ANKRD30BL: variants seen among roughly 807,000 people sequenced by gnomAD.
ANKRD30BL encodes the protein ankyrin repeat domain 30B like.
A neutral mutation model predicts 18.4 loss-of-function variants in ANKRD30BL; 20 were observed. The observed-to-expected ratio is 1.09, with a 90% CI of 0.77 to 1.58. ANKRD30BL has a LOEUF of 1.58. ANKRD30BL is among the 40% of genes most tolerant of loss of function. The pLI, the probability that ANKRD30BL is intolerant of heterozygous loss-of-function variation, is 0.00. For synonymous variants in ANKRD30BL, 72 were observed against 100.9 expected (o/e 0.71, Z 1.72); for missense variants, 224 against 268.6 (o/e 0.83, Z 1.16).
At chr2:132,164,900 CT>C (rs1183515036), upstream of ANKRD30BL, among the ~76,000 whole-genome samples, 2 of 152,018 alleles carry the variant, frequency 1.3e-5, no homozygotes, top group Non-Finnish European at 1.5e-5. Flanking sequence ...GAAACCCCGT[CT>C]CTACTACAAA....
intron 1 of ANKRD30BL, among the ~76,000 whole-genome samples, chr2:132,160,733 C>T (rs1346869450): frequency 6.6e-6 from 1 of 151,922 alleles, no homozygotes; most frequent in Non-Finnish European, 1.5e-5. Context: ...TGGCCATGGC[C>T]CATTTTGTGC....
chr2:132,253,652 G>C (rs77546515), intron 1 of ANKRD30BL, among the ~76,000 whole-genome samples: 2 of 152,050 alleles, frequency 1.3e-5, no homozygotes, highest in Admixed American at 6.5e-5. Context: ...GGACGGAGTC[G>C]GCAGGGGAGG....
intron 1 of ANKRD30BL, among the ~76,000 whole-genome samples, chr2:132,172,997 C>T (rs1416858310): frequency 3.3e-5 from 5 of 152,146 alleles, no homozygotes; most frequent in South Asian, 2.1e-4. Flanking sequence ...TGAGCCACCA[C>T]ACCTGGTCAA....
At chr2:132,191,583 T>C (rs1227855233) in intron 1 of ANKRD30BL, among the ~76,000 whole-genome samples, 1 of 152,168 alleles carries the variant, frequency 6.6e-6, no homozygotes, top group South Asian at 2.1e-4. Context: ...TGTGCAGTGT[T>C]ATTGCATTTT....
chr2:132,235,278 A>G (rs186917398), intron 1 of ANKRD30BL, among the ~76,000 whole-genome samples: 9 of 152,338 alleles, frequency 5.9e-5, no homozygotes, highest in Admixed American at 5.9e-4. Flanking sequence ...AAACTGGCAC[A>G]AGACAGGGAT....
intron 1 of ANKRD30BL, among the ~76,000 whole-genome samples, chr2:132,222,742 G>C (rs981984121): frequency 7.5e-6 from 1 of 133,866 alleles, no homozygotes; most frequent in African/African-American, 2.7e-5. Context: ...AGAGACCTTT[G>C]TTCACTTGTT....
intron 1 of ANKRD30BL, among the ~76,000 whole-genome samples, chr2:132,224,987 A>G (rs1340383222): frequency 3.9e-5 from 6 of 152,186 alleles, no homozygotes; most frequent in Middle Eastern, 3.4e-3. Context: ...ATCTTCACAT[A>G]AAAACTAGAC....
At chr2:132,213,991 C>T (rs1679423981) in intron 1 of ANKRD30BL, among the ~76,000 whole-genome samples, 2 of 151,456 alleles carry the variant, frequency 1.3e-5, no homozygotes, top group African/African-American at 2.4e-5. Context: ...AATATATTCA[C>T]TTAAAAACTA....
At chr2:132,227,048 C>T (rs1679867810) in intron 1 of ANKRD30BL, among the ~76,000 whole-genome samples, 1 of 152,030 alleles carries the variant, frequency 6.6e-6, no homozygotes, top group Admixed American at 6.6e-5. Flanking sequence ...CATATAAAAA[C>T]TAGGCAGAAG....
chr2:132,190,280 C>T (rs1479376278), intron 1 of ANKRD30BL, among the ~76,000 whole-genome samples: 1 of 152,014 alleles, frequency 6.6e-6, no homozygotes, highest in East Asian at 1.9e-4. Flanking sequence ...TCAAGGATGA[C>T]AAGGTTTCAA....
At chr2:132,229,949 T>C (rs1299639699) in intron 1 of ANKRD30BL, among the ~76,000 whole-genome samples, 2 of 151,792 alleles carry the variant, frequency 1.3e-5, no homozygotes, top group East Asian at 3.9e-4. Flanking sequence ...GCCTTCTTTA[T>C]AAACGTGAAT....
chr2:132,181,302 C>T (rs188317277), intron 1 of ANKRD30BL, among the ~76,000 whole-genome samples: 128 of 151,812 alleles, frequency 8.4e-4, no homozygotes, highest in African/African-American at 2.9e-3. Context: ...GGCGAAACCC[C>T]GTCTCCATTA....
intron 1 of ANKRD30BL, among the ~76,000 whole-genome samples, chr2:132,198,303 TCTTTCTTTCTTTCTTTC>T (rs1558928503): frequency 1.2e-3 from 17 of 13,618 alleles, no homozygotes; most frequent in East Asian, 2.5e-3. Context: ...TTTCTTTCTT[TCTTTCTTTCTTTCTTTC>T]TTTCTTTTTT....
rs529411064 is a variant in ANKRD30BL at position 132,247,227 on chromosome 2, C to T, written n.441+10302G>A. Among the ~76,000 whole-genome samples, 30 of 151,968 alleles carry T rather than the reference C, an allele frequency of 2.0e-4. No individual in the cohort carries two copies. The South Asian group carries it at 5.8e-3, about 29-fold the overall frequency. On this transcript the variant is annotated intron_variant and non_coding_transcript_variant, in intron 1 of 4. Coordinates refer to the ANKRD30BL transcript ENST00000470729. ...ATTCAACTCACAGAGTTGAACATTC[C>T]CTTTCATGGAGCAGTTTTGAAACTC... is the stretch of plus-strand genomic sequence containing the variant.
chr2:132,233,310 G>A (rs1241969791), intron 1 of ANKRD30BL, among the ~76,000 whole-genome samples: 23 of 149,280 alleles, frequency 1.5e-4, no homozygotes, highest in African/African-American at 5.7e-4. Context: ...ACATCATAAT[G>A]ACAGGATCAA....
intron 1 of ANKRD30BL, among the ~76,000 whole-genome samples, chr2:132,228,763 A>G (rs1679916271): frequency 6.9e-6 from 1 of 145,568 alleles, no homozygotes; most frequent in Non-Finnish European, 1.5e-5. Flanking sequence ...GTAGAAAAGG[A>G]AATATCTTCA....
At position 132,235,079 on chromosome 2, in the gene ANKRD30BL, C is replaced by CA. The variant is rs528085626; in HGVS notation, n.441+22449dup. ...TCCAGCATATAAACAGAGCCAAAGA[C>CA]AAAAAACCACATGATTATCTCAATA... On this transcript the variant is annotated intron_variant and non_coding_transcript_variant, in intron 1 of 4. Coordinates refer to the ANKRD30BL transcript ENST00000470729. Among the ~76,000 whole-genome samples the CA allele has an allele frequency of 2.0e-3, 304 of 152,066 alleles. 2 individuals carry two copies. The highest frequency in any genetic ancestry group is 5.2e-3 in the Admixed American group (79 of 15,222).
At chr2:132,210,345 G>C (rs1022510006) in intron 1 of ANKRD30BL, among the ~76,000 whole-genome samples, 12 of 151,660 alleles carry the variant, frequency 7.9e-5, no homozygotes, top group Non-Finnish European at 1.6e-4. Flanking sequence ...GCGCTTTGCG[G>C]CCAATGGTGG....
At chr2:132,200,867 A>C (rs1218416579) in intron 1 of ANKRD30BL, among the ~76,000 whole-genome samples, 1 of 152,214 alleles carries the variant, frequency 6.6e-6, no homozygotes, top group South Asian at 2.1e-4. Flanking sequence ...ACAAAGCTGG[A>C]GGCATCACAC....
Sources: gnomAD v4.1 joint callset for allele counts (sites outside exome capture counted in the v4.1 genomes callset) on GRCh38, gnomAD v4.1.1 for gene constraint, MANE v1.5 for transcripts, NCBI Gene and HGNC (gene_info 2026-07-23, HGNC 2026-07-21) for gene names.